The following HUNK variants were observed in gnomAD, a reference collection of about 807,000 sequenced individuals.
HUNK encodes hormonally up-regulated Neu-associated kinase, also known as hormonally up-regulated neu tumor-associated kinase.
In HUNK, 21 loss-of-function variants were observed where a neutral mutation model predicts 61.0. The observed-to-expected ratio is 0.34, with a 90% CI of 0.24 to 0.50. The LOEUF (loss-of-function observed/expected upper bound fraction) is 0.50. Ranked by LOEUF, HUNK falls within the 20% of genes least tolerant of loss-of-function variation. The pLI, the probability that HUNK is intolerant of heterozygous loss-of-function variation, is 0.98. For synonymous variants in HUNK, 371 were observed against 386.1 expected, an observed-to-expected ratio of 0.96 and a Z score of 0.46; for missense variants, 772 against 945.7, an observed-to-expected ratio of 0.82 and a Z score of 2.41.
At chr21:31,950,926 C>T (rs1360848296) in intron 4 of HUNK, among the ~76,000 whole-genome samples, 1 of 152,084 alleles carries the variant, frequency 6.6e-6, no homozygotes, top group Non-Finnish European at 1.5e-5. Flanking sequence ...ACTTTATCCA[C>T]AACTTCTGAG....
At position 32,000,210 on chromosome 21, in the gene HUNK, C is replaced by T. The variant is rs183341579; in HGVS notation, c.*1026C>T. The T allele has an allele frequency of 3.0e-5, 12 of 398,806 alleles. No homozygotes were observed. Among genetic ancestry groups the T allele is most frequent in the African/African-American group, 1.2e-4 (6 of 48,590 alleles). 24.7% of individuals were successfully genotyped at this position (398,806 alleles called of 1,614,324 possible). A position where few individuals can be genotyped will look rare whatever the true frequency, so the allele number is the denominator to read the frequency against. On this transcript the variant is annotated 3_prime_UTR_variant, in exon 11 of 11. Transcript: ENST00000270112. ...GCGAGAAGGCAGCATTATCTCTGTG[C>T]GATGCTGATTTCAAGCTGCCCACAG...
chr21:31,938,409 T>G (rs750103102), intron 2 of HUNK, among the ~76,000 whole-genome samples: 1 of 152,190 alleles, frequency 6.6e-6, no homozygotes, highest in African/African-American at 2.4e-5. Flanking sequence ...ATTTAAAAAT[T>G]GAGATCAAAT....
At chr21:31,916,067 T>TTG in intron 1 of HUNK, among the ~76,000 whole-genome samples, 1 of 146,754 alleles carries the variant, frequency 6.8e-6, no homozygotes, top group Non-Finnish European at 1.5e-5. Flanking sequence ...TTTTTTTTTT[T>TTG]TGAGACGGAG....
chr21:31,954,230 C>T (rs1033452473), intron 4 of HUNK, among the ~76,000 whole-genome samples: 1 of 152,176 alleles, frequency 6.6e-6, no homozygotes, highest in Admixed American at 6.5e-5. Context: ...ACGACACCCC[C>T]ACCTGGGACA....
chr21:31,934,816 A>G (rs1428901167), intron 2 of HUNK, among the ~76,000 whole-genome samples: 1 of 151,994 alleles, frequency 6.6e-6, no homozygotes, highest in Non-Finnish European at 1.5e-5. Flanking sequence ...AGCGGCATCC[A>G]TGTTGCTGCA....
chr21:31,953,091 C>T (rs1216328544), intron 4 of HUNK, among the ~76,000 whole-genome samples: 1 of 152,188 alleles, frequency 6.6e-6, no homozygotes, highest in East Asian at 1.9e-4. Flanking sequence ...TCCTCACATA[C>T]TTCTGAAATG....
chr21:31,960,858 C>A (rs1483998119), intron 5 of HUNK, among the ~76,000 whole-genome samples: 2 of 152,158 alleles, frequency 1.3e-5, no homozygotes, highest in Non-Finnish European at 2.9e-5. Flanking sequence ...CCCAGTTTCC[C>A]CCAATAGTAA....
At chr21:31,940,767 C>T (rs1345101852) in intron 3 of HUNK, among the ~76,000 whole-genome samples, 1 of 152,132 alleles carries the variant, frequency 6.6e-6, no homozygotes, top group Non-Finnish European at 1.5e-5. Context: ...CTGCACAACT[C>T]GTTTTCTAGA....
At chr21:31,917,748 AC>A (rs2052594998) in intron 1 of HUNK, among the ~76,000 whole-genome samples, 1 of 139,600 alleles carries the variant, frequency 7.2e-6, no homozygotes, top group Non-Finnish European at 1.6e-5. Flanking sequence ...ACACACACAC[AC>A]ACACACACCC....
chr21:31,913,267 G>A (rs1415854309), intron 1 of HUNK, among the ~76,000 whole-genome samples: 2 of 152,066 alleles, frequency 1.3e-5, no homozygotes, highest in Non-Finnish European at 2.9e-5. Flanking sequence ...GTGGCGGGTG[G>A]GAATTGGGGT....
intron 1 of HUNK, among the ~76,000 whole-genome samples, chr21:31,876,834 A>T (rs1049944749): frequency 5.3e-5 from 8 of 152,180 alleles, no homozygotes; most frequent in Non-Finnish European, 7.3e-5. Flanking sequence ...TTTTATAAAG[A>T]CAGGGGTCTC....
intron 5 of HUNK, among the ~76,000 whole-genome samples, chr21:31,965,720 G>A (rs907477697): frequency 2.0e-5 from 3 of 148,714 alleles, no homozygotes; most frequent in Admixed American, 6.8e-5. Flanking sequence ...TACCACCTCC[G>A]CCTCCCGAGT....
intron 3 of HUNK, among the ~76,000 whole-genome samples, chr21:31,942,146 G>C (rs1184083259): frequency 6.6e-6 from 1 of 152,248 alleles, no homozygotes; most frequent in Non-Finnish European, 1.5e-5. Flanking sequence ...GGAGGTGGAG[G>C]TTGCAGTGAG....
intron 1 of HUNK, among the ~76,000 whole-genome samples, chr21:31,892,209 A>AGAGAGT (rs1310942168): frequency 1.0e-3 from 118 of 114,272 alleles, no homozygotes; most frequent in African/African-American, 2.4e-3. Flanking sequence ...AGAGAGAGAG[A>AGAGAGT]GTGTGTGTGT....
chr21:31,980,613 G>A (rs1004595952), intron 7 of HUNK, among the ~76,000 whole-genome samples: 3 of 151,910 alleles, frequency 2.0e-5, no homozygotes, highest in Non-Finnish European at 4.4e-5. Context: ...TGGCCAGGAT[G>A]GTCTTGATCT....
rs116681349 is a variant in HUNK, at chr21:31,891,950, G to A, written c.261+18015G>A. 2.7e-3 allele frequency among the ~76,000 whole-genome samples: 406 copies of A among 151,974 alleles called. 5 individuals are homozygous for A. Among genetic ancestry groups the A allele is most frequent in the African/African-American group, 8.9e-3 (369 of 41,446 alleles). ...GATATTTGACTATATATTCTAATCC[G>A]TTACATAATGATTTAACCTGTTGGT... On this transcript the variant is annotated intron_variant, in intron 1 of 10. Transcript: ENST00000270112.
chr21:31,979,751 G>A (rs35257551), intron 7 of HUNK, among the ~76,000 whole-genome samples: 20 of 151,330 alleles, frequency 1.3e-4, no homozygotes, highest in South Asian at 6.2e-4. Flanking sequence ...TCCTGACCTC[G>A]TGATCTGCCC....
At chr21:31,892,123 T>A (rs529041075) in intron 1 of HUNK, among the ~76,000 whole-genome samples, 62 of 142,490 alleles carry the variant, frequency 4.4e-4, no homozygotes, top group Middle Eastern at 3.9e-3. Flanking sequence ...CAAAGATACC[T>A]CATGGTATTC....
Position 31,940,298 on chromosome 21 carries a change from A to G in HUNK, c.610+78A>G, listed in dbSNP as rs1395919611. The G allele has an allele frequency of 3.1e-5, 26 of 838,922 alleles. No individual in the cohort carries two copies. The East Asian group carries it at 5.4e-4, about 17-fold the overall frequency. The allele number at this position is 838,922 out of a possible 1,614,324, so 52.0% of individuals were successfully genotyped here. A position where few individuals can be genotyped will look rare whatever the true frequency, so the allele number is the denominator to read the frequency against. ...CAGTTCTCAACTTTGAAAATTATCCATGGTCTATCTCTAATACCCAGACAA... is the reference window on the plus strand; with the variant it reads ...CAGTTCTCAACTTTGAAAATTATCCGTGGTCTATCTCTAATACCCAGACAA... On this transcript the variant is annotated intron_variant, in intron 3 of 10. Coordinates refer to ENST00000270112, the MANE Select transcript of HUNK (RefSeq NM_014586.2).
Sources: allele counts gnomAD v4.1 joint callset (sites outside exome capture counted in the v4.1 genomes callset), GRCh38; gene constraint gnomAD v4.1.1; transcripts MANE v1.5; gene names NCBI Gene and HGNC (gene_info 2026-07-23, HGNC 2026-07-21).